Variants in CHST3 observed in about 807,000 individuals in gnomAD.
CHST3 encodes carbohydrate sulfotransferase 3.
A neutral mutation model predicts 35.4 loss-of-function variants in CHST3; 20 were observed. The observed-to-expected ratio is 0.57, with a 90% CI of 0.40 to 0.82. The LOEUF is 0.82. Among genes scored for constraint, CHST3 ranks in the 40% least tolerant of loss-of-function variants. The probability of loss-of-function intolerance (pLI) is 0.00; values close to 1 mark genes in which losing one functional copy is unlikely to be tolerated. For missense variants in CHST3, 693 were observed against 670.1 expected, an observed-to-expected ratio of 1.03 and a Z score of -0.38; for synonymous variants, 334 against 295.9, an observed-to-expected ratio of 1.13 and a Z score of -1.32.
At chr10:71,978,911 T>C (rs948425932) in intron 1 of CHST3, among the ~76,000 whole-genome samples, 1 of 152,194 alleles carries the variant, frequency 6.6e-6, no homozygotes, top group African/African-American at 2.4e-5. Flanking sequence ...CTCCCCAGGA[T>C]GCCTCCCCAT....
chr10:72,005,835 CT>C lies in CHST3; in HGVS notation c.-5del, dbSNP rs749472766. On this transcript the variant is annotated 5_prime_UTR_variant, in exon 2 of 3. Coordinates refer to ENST00000373115, the MANE Select transcript of CHST3 (RefSeq NM_004273.5). ...GCCCGAGGAGCCCCCACGGCCCCACCTTTCCCCATGGAGAAAGGACTCACTT... is the reference window on the plus strand; with the variant it reads ...GCCCGAGGAGCCCCCACGGCCCCACCTTCCCCATGGAGAAAGGACTCACTT... 1 of 1,614,240 alleles carries C rather than the reference CT, an allele frequency of 6.2e-7. No individual in the cohort carries two copies. The highest frequency in any genetic ancestry group is 8.5e-7 in the Non-Finnish European group (1 of 1,180,044).
At chr10:72,006,122 C>A in intron 2 of CHST3, 140 bp downstream of exon 2, 1 of 1,089,004 alleles carries the variant, frequency 9.2e-7, no homozygotes, top group Non-Finnish European at 1.4e-6. Flanking sequence ...ATGTCCCAGG[C>A]AGTGGCTCCT....
intron 1 of CHST3, among the ~76,000 whole-genome samples, chr10:71,984,075 C>T (rs192382524): frequency 1.3e-4 from 20 of 152,222 alleles, no homozygotes; most frequent in East Asian, 1.9e-4. Context: ...CAGGCTGGAG[C>T]GCAGTGGCGC....
intron 1 of CHST3, among the ~76,000 whole-genome samples, chr10:71,990,769 A>C (rs966260588): frequency 3.1e-4 from 47 of 152,322 alleles, no homozygotes; most frequent in African/African-American, 1.1e-3. Flanking sequence ...CGATTACAAC[A>C]CAAAAATTTT....
rs544977001 is a variant in CHST3, at chr10:71,979,186, C to G, written c.-108+14492C>G. 2.9e-4 allele frequency among the ~76,000 whole-genome samples: 44 copies of G among 152,294 alleles called. No individual in the cohort carries two copies. In the East Asian group the frequency reaches 7.5e-3, roughly 26 times the overall value. ...AGAGGAACGTGTGGTAGGAGGCCCT[C>G]CCTTCACATCCTGGCCTCAAACCTC... On this transcript the variant is annotated intron_variant, in intron 1 of 2. Coordinates refer to ENST00000373115, the MANE Select transcript of CHST3 (RefSeq NM_004273.5).
At position 71,975,331 on chromosome 10, in the gene CHST3, C is replaced by T. The variant is rs145885347; in HGVS notation, c.-108+10637C>T. ...TCCAAGGCCACACAGCCAGGATTCA[C>T]ACCCATAACTGTCCAACTCCAGATG... is the stretch of plus-strand genomic sequence containing the variant. On this transcript the variant is annotated intron_variant, in intron 1 of 2. Transcript: ENST00000373115. Among the ~76,000 whole-genome samples the T allele has an allele frequency of 5.3e-3, 800 of 152,360 alleles. 11 individuals carry two copies. The highest frequency in any genetic ancestry group is 0.018 in the African/African-American group (762 of 41,590).
chr10:71,992,806 G>A (rs74332257), intron 1 of CHST3, among the ~76,000 whole-genome samples: 21 of 67,546 alleles, frequency 3.1e-4, no homozygotes, highest in African/African-American at 6.7e-4. Flanking sequence ...GATTACAGGC[G>A]TCCGCCACCA....
intron 1 of CHST3, among the ~76,000 whole-genome samples, chr10:72,004,276 G>C (rs1422777764): frequency 1.3e-5 from 2 of 152,182 alleles, no homozygotes; most frequent in Non-Finnish European, 2.9e-5. Flanking sequence ...CCAGGATTGA[G>C]AGATAATGAG....
At chr10:71,969,669 C>A (rs771971545) in intron 1 of CHST3, among the ~76,000 whole-genome samples, 1 of 152,182 alleles carries the variant, frequency 6.6e-6, no homozygotes, top group African/African-American at 2.4e-5. Flanking sequence ...GTGACCAGGA[C>A]GGAAGTTGGG....
chr10:71,979,589 G>A (rs977140217), intron 1 of CHST3, among the ~76,000 whole-genome samples: 8 of 152,110 alleles, frequency 5.3e-5, no homozygotes, highest in South Asian at 2.1e-4. Context: ...GCTCATGGTT[G>A]CCACCCTCCC....
intron 1 of CHST3, among the ~76,000 whole-genome samples, chr10:71,966,976 C>G (rs1195272340): frequency 6.6e-6 from 1 of 152,016 alleles, no homozygotes; most frequent in African/African-American, 2.4e-5. Flanking sequence ...ATTTCATCAT[C>G]CAGGTAGTAA....
At chr10:71,971,400 C>T (rs114547433) in intron 1 of CHST3, among the ~76,000 whole-genome samples, 222 of 152,300 alleles carry the variant, frequency 1.5e-3, no homozygotes, top group African/African-American at 5.2e-3. Context: ...ACAGCTTAGC[C>T]GTCTGCAGAC....
chr10:71,982,869 G>T (rs568261694), intron 1 of CHST3, among the ~76,000 whole-genome samples: 3 of 152,362 alleles, frequency 2.0e-5, no homozygotes, highest in African/African-American at 4.8e-5. Flanking sequence ...TGAAGTACGG[G>T]GGCCAGGCAG....
chr10:71,967,825 T>C (rs1839646356), intron 1 of CHST3, among the ~76,000 whole-genome samples: 1 of 152,114 alleles, frequency 6.6e-6, no homozygotes, highest in Non-Finnish European at 1.5e-5. Flanking sequence ...TGTTTTTTGT[T>C]TTTGGTGGGA....
intron 2 of CHST3, among the ~76,000 whole-genome samples, chr10:72,006,654 T>C (rs1298013207): frequency 6.6e-6 from 1 of 152,218 alleles, no homozygotes; most frequent in African/African-American, 2.4e-5. Context: ...TAGAAAGATT[T>C]CTTAGCCTGT....
Position 72,008,483 on chromosome 10 carries a change from C to G in CHST3, c.*12C>G. Reference sequence around the variant, plus strand: ...TCTGGGTCACGTAGGGGGGCCGGGGCCCCGTATGCCCCTCCTCGTGAAAGG... The same window carrying G: ...TCTGGGTCACGTAGGGGGGCCGGGGGCCCGTATGCCCCTCCTCGTGAAAGG... On this transcript the variant is annotated 3_prime_UTR_variant, in exon 3 of 3. Coordinates refer to ENST00000373115, the MANE Select transcript of CHST3 (RefSeq NM_004273.5). 1 of 1,504,264 alleles carries G rather than the reference C, an allele frequency of 6.6e-7. No individual in the cohort carries two copies. Among genetic ancestry groups the G allele is most frequent in the Non-Finnish European group, 8.9e-7 (1 of 1,125,182 alleles). 93.2% of individuals were successfully genotyped at this position (1,504,264 alleles called of 1,614,324 possible). A position where few individuals can be genotyped will look rare whatever the true frequency, so the allele number is the denominator to read the frequency against.
intron 1 of CHST3, among the ~76,000 whole-genome samples, chr10:71,965,713 A>T (rs1282931916): frequency 6.6e-6 from 1 of 152,202 alleles, no homozygotes; most frequent in African/African-American, 2.4e-5. Context: ...CTTGATGAAT[A>T]ATGACACCGG....
intron 1 of CHST3, among the ~76,000 whole-genome samples, chr10:71,979,086 C>A (rs574902525): frequency 6.6e-6 from 1 of 152,208 alleles, no homozygotes; most frequent in Non-Finnish European, 1.5e-5. Context: ...ACAGCGATAG[C>A]GCACACGTGT....
rs1020067119 is a variant in CHST3, at chr10:72,008,500, C to A, written c.*29C>A. 3 of 1,485,260 alleles carry A rather than the reference C, an allele frequency of 2.0e-6. No homozygotes were observed. The African/African-American group carries it at 4.2e-5, about 21-fold the overall frequency. 92.0% of individuals were successfully genotyped at this position (1,485,260 alleles called of 1,614,324 possible). On this transcript the variant is annotated 3_prime_UTR_variant, in exon 3 of 3. Coordinates refer to ENST00000373115, the MANE Select transcript of CHST3 (RefSeq NM_004273.5). ...GGCCGGGGCCCCGTATGCCCCTCCT[C>A]GTGAAAGGCCTGCCCCGTCTTTCTG...
Sources: gnomAD v4.1 joint callset for allele counts (sites outside exome capture counted in the v4.1 genomes callset) on GRCh38, gnomAD v4.1.1 for gene constraint, MANE v1.5 for transcripts, NCBI Gene and HGNC (gene_info 2026-07-23, HGNC 2026-07-21) for gene names.